Variants in CDC42BPA observed in about 807,000 individuals in gnomAD.
CDC42BPA encodes serine/threonine-protein kinase MRCK alpha.
CDC42BPA carries 80 observed loss-of-function variants against 223.5 expected under a neutral mutation model. The ratio of observed to expected loss-of-function variants is 0.36; its 90% CI spans 0.30 to 0.43. The LOEUF (loss-of-function observed/expected upper bound fraction) is 0.43, where lower values mean the gene tolerates loss of function less well. CDC42BPA is among the 20% of genes least tolerant of loss of function. CDC42BPA has a pLI of 1.00. For missense variants in CDC42BPA, 1,743 were observed against 2,099.9 expected (o/e 0.83, Z 3.32); for synonymous variants, 694 against 718.6 (o/e 0.97, Z 0.55).
chr1:227,279,883 C>T (rs112375505), intron 1 of CDC42BPA, among the ~76,000 whole-genome samples: 14,234 of 151,964 alleles, frequency 0.094, 843 homozygotes, highest in Middle Eastern at 0.17. Flanking sequence ...ATGGTGAAAC[C>T]CCATCTCTAA....
In CDC42BPA at chr1:227,147,340, A is replaced by G; in HGVS notation, c.894+19T>C. 1.3e-6 allele frequency: 2 copies of G among 1,576,736 alleles called. No individual in the cohort carries two copies. The highest frequency in any genetic ancestry group is 2.2e-5 in the East Asian group (1 of 44,482). On this transcript the variant is annotated intron_variant, in intron 7 of 36. Coordinates refer to ENST00000366766, the MANE Select transcript of CDC42BPA (RefSeq NM_001394014.1). Reference sequence around the variant, plus strand: ...TGTTATTTACCACATTAATTTGAACAAAAGTAAAACATACTAACTTTGTGG... The same window carrying G: ...TGTTATTTACCACATTAATTTGAACGAAAGTAAAACATACTAACTTTGTGG...
chr1:227,074,167 A>G (rs985281307), intron 18 of CDC42BPA, 92 bp downstream of exon 18: 1 of 1,319,868 alleles, frequency 7.6e-7, no homozygotes, highest in Non-Finnish European at 1.1e-6. Context: ...AAGTCTAAAC[A>G]AACTGATATA....
intron 10 of CDC42BPA, among the ~76,000 whole-genome samples, chr1:227,136,913 T>C (rs1658673434): frequency 6.6e-6 from 1 of 151,976 alleles, no homozygotes. Flanking sequence ...TTTTTTAGGC[T>C]AAAGAAAAAT....
chr1:227,172,270 C>A (rs1034306867), intron 5 of CDC42BPA, among the ~76,000 whole-genome samples: 4 of 152,124 alleles, frequency 2.6e-5, no homozygotes, highest in Non-Finnish European at 5.9e-5. Flanking sequence ...AAAATTCTGT[C>A]AGTAAACTTT....
At position 227,035,535 on chromosome 1, in the gene CDC42BPA, G is replaced by C. The variant is rs751188943; in HGVS notation, c.3272C>G (p.Thr1091Arg). Residue 1091 changes from threonine (T) to arginine (R), a missense_variant, in exon 25 of 37, where the codon ACA (threonine) becomes AGA (arginine). By Grantham distance (71) the Thr-to-Arg change is moderately conservative. Coordinates refer to ENST00000366766, the MANE Select transcript of CDC42BPA (RefSeq NM_001394014.1). Reference protein sequence around the residue: ...PTTCPVPPEQTKGPLGIDPQK... With the variant: ...PTTCPVPPEQRKGPLGIDPQK... ...AGGATCTATACCCAGGGGACCTTTT[G>C]TCTGTTCAGGAGGAACTGGACAAGT... 1.6e-4 allele frequency: 259 copies of C among 1,610,920 alleles called. No individual in the cohort carries two copies. Among genetic ancestry groups the C allele is most frequent in the Non-Finnish European group, 2.2e-4 (256 of 1,178,654 alleles).
chr1:227,120,793 T>G (rs1006950545), intron 11 of CDC42BPA, among the ~76,000 whole-genome samples: 1 of 152,152 alleles, frequency 6.6e-6, no homozygotes, highest in Non-Finnish European at 1.5e-5. Flanking sequence ...CTTTACACAT[T>G]ATTACTCTAA....
chr1:227,050,962 A>G (rs1330586349), intron 22 of CDC42BPA, among the ~76,000 whole-genome samples: 3 of 152,206 alleles, frequency 2.0e-5, no homozygotes, highest in Non-Finnish European at 4.4e-5. Context: ...ATATTCTCTG[A>G]ATGCTTGAAA....
intron 1 of CDC42BPA, among the ~76,000 whole-genome samples, chr1:227,306,138 GTTTTTT>G (rs56027762): frequency 2.9e-5 from 4 of 135,716 alleles, no homozygotes; most frequent in South Asian, 2.4e-4. Flanking sequence ...GTTCTAAGTG[GTTTTTT>G]TTTTTTTTTT....
chr1:227,267,511 T>C (rs1263227457), intron 1 of CDC42BPA, among the ~76,000 whole-genome samples: 1 of 152,256 alleles, frequency 6.6e-6, no homozygotes, highest in Non-Finnish European at 1.5e-5. Flanking sequence ...AGGTGATAGA[T>C]GCCTGCTAAT....
chr1:227,225,525 CATAA>C (rs1369794254), intron 2 of CDC42BPA, among the ~76,000 whole-genome samples: 3 of 152,124 alleles, frequency 2.0e-5, no homozygotes, highest in African/African-American at 7.2e-5. Context: ...ACATTAAACA[CATAA>C]ATAAGGAATT....
At chr1:227,118,939 T>C (rs554300321) in intron 12 of CDC42BPA, among the ~76,000 whole-genome samples, 71 of 152,266 alleles carry the variant, frequency 4.7e-4, no homozygotes, top group African/African-American at 1.7e-3. Flanking sequence ...CGTTCTCTTT[T>C]AGTCCTTTTG....
chr1:227,078,071 A>G (rs1679875902), intron 17 of CDC42BPA, among the ~76,000 whole-genome samples: 1 of 152,170 alleles, frequency 6.6e-6, no homozygotes, highest in African/African-American at 2.4e-5. Context: ...CTTACCTAGT[A>G]TTCATGACAA....
chr1:227,316,236 A>G (rs1694367289), intron 1 of CDC42BPA, among the ~76,000 whole-genome samples: 1 of 152,218 alleles, frequency 6.6e-6, no homozygotes, highest in African/African-American at 2.4e-5. Context: ...GAAGAACTTG[A>G]GCCAAGCCTT....
intron 5 of CDC42BPA, among the ~76,000 whole-genome samples, chr1:227,171,662 T>G (rs953152548): frequency 2.0e-5 from 3 of 151,772 alleles, no homozygotes; most frequent in African/African-American, 4.9e-5. Flanking sequence ...AAGGGCAACA[T>G]TCTATGGGTG....
chr1:227,212,472 A>C (rs1201153838), intron 3 of CDC42BPA, among the ~76,000 whole-genome samples: 1 of 152,096 alleles, frequency 6.6e-6, no homozygotes, highest in Non-Finnish European at 1.5e-5. Flanking sequence ...GCTTCCCTGA[A>C]GCCCCAGAAT....
intron 12 of CDC42BPA, among the ~76,000 whole-genome samples, chr1:227,116,139 T>A (rs1371962215): frequency 6.6e-6 from 1 of 152,182 alleles, no homozygotes; most frequent in Non-Finnish European, 1.5e-5. Flanking sequence ...TTAATATATG[T>A]AAAGCATTCA....
At chr1:227,251,257 T>C (rs1572639137) in intron 2 of CDC42BPA, among the ~76,000 whole-genome samples, 1 of 150,118 alleles carries the variant, frequency 6.7e-6, no homozygotes, top group Middle Eastern at 3.5e-3. Flanking sequence ...AGAAATTGGG[T>C]AAATGGGAAT....
At chr1:227,282,448 T>C (rs544138061) in intron 1 of CDC42BPA, among the ~76,000 whole-genome samples, 16 of 152,312 alleles carry the variant, frequency 1.1e-4, no homozygotes, top group African/African-American at 3.4e-4. Context: ...CTGTTACACA[T>C]GTGGGATGTG....
chr1:227,040,669 C>A (rs74447767), intron 23 of CDC42BPA, among the ~76,000 whole-genome samples: 4,009 of 152,160 alleles, frequency 0.026, 196 homozygotes, highest in African/African-American at 0.092. Flanking sequence ...ATTATTGTTT[C>A]TACTGTAAAT....
Sources: allele counts gnomAD v4.1 joint callset (sites outside exome capture counted in the v4.1 genomes callset), GRCh38; gene constraint gnomAD v4.1.1; transcripts MANE v1.5; gene names NCBI Gene and HGNC (gene_info 2026-07-23, HGNC 2026-07-21).